The following SEMA6A variants were observed in gnomAD, a reference collection of about 807,000 sequenced individuals.
SEMA6A encodes semaphorin 6A.
In SEMA6A, 25 loss-of-function variants were observed where a neutral mutation model predicts 96.8. That is an observed-to-expected ratio of 0.26 (90% confidence interval 0.19 to 0.36). The LOEUF (loss-of-function observed/expected upper bound fraction) is 0.36. Among genes scored for constraint, SEMA6A ranks in the 10% least tolerant of loss-of-function variants. SEMA6A has a pLI of 1.00. For synonymous variants in SEMA6A, 612 were observed against 518.0 expected (o/e 1.18, Z -2.46); for missense variants, 1,363 against 1,323.1 (o/e 1.03, Z -0.47).
Position 116,549,436 on chromosome 5 carries a change from A to T in SEMA6A, c.-39+24749T>A, listed in dbSNP as rs554080608. Among the ~76,000 whole-genome samples, 393 of 152,298 alleles carry T rather than the reference A, an allele frequency of 2.6e-3. 1 individual carries two copies. The highest frequency in any genetic ancestry group is 8.2e-3 in the African/African-American group (342 of 41,568). ...CCCTCATGGATTTGGAAGGGGAAAC[A>T]AGAATGGGGAGCTGGTATGGAGGTA... is the stretch of plus-strand genomic sequence containing the variant. On this transcript the variant is annotated intron_variant, in intron 1 of 18. Coordinates refer to ENST00000343348, the MANE Select transcript of SEMA6A (RefSeq NM_020796.5).
At chr5:116,529,854 G>A (rs953834062) in intron 1 of SEMA6A, among the ~76,000 whole-genome samples, 2 of 152,028 alleles carry the variant, frequency 1.3e-5, no homozygotes, top group African/African-American at 4.8e-5. Flanking sequence ...GCGGGTTGGG[G>A]GAAGGAGCAT....
chr5:116,524,229 C>T (rs1759101883), intron 1 of SEMA6A, among the ~76,000 whole-genome samples: 1 of 152,152 alleles, frequency 6.6e-6, no homozygotes, highest in Non-Finnish European at 1.5e-5. Flanking sequence ...CATGTGAATA[C>T]TGCACGAGGA....
chr5:116,572,253 G>A (rs1761247841), intron 1 of SEMA6A, among the ~76,000 whole-genome samples: 1 of 152,218 alleles, frequency 6.6e-6, no homozygotes, highest in African/African-American at 2.4e-5. Context: ...ATGCACGCCT[G>A]TGTTTTAAAC....
At chr5:116,460,333 C>T (rs1215919546) in intron 18 of SEMA6A, among the ~76,000 whole-genome samples, 1 of 152,098 alleles carries the variant, frequency 6.6e-6, no homozygotes, top group Non-Finnish European at 1.5e-5. Flanking sequence ...ATTCTCTGAA[C>T]TCAAGTATGC....
rs780481682 is a variant in SEMA6A, at chr5:116,482,440, A to G, written c.1094+4T>C. On this transcript the variant is annotated splice_donor_region_variant and intron_variant, in intron 11 of 18. Coordinates refer to ENST00000343348, the MANE Select transcript of SEMA6A (RefSeq NM_020796.5). Reference sequence around the variant, plus strand: ...AAAATAGCCATATGAATATTTGCACATACCTGGGCTTAGGAACTCGTTCAT... The same window carrying G: ...AAAATAGCCATATGAATATTTGCACGTACCTGGGCTTAGGAACTCGTTCAT... 2.5e-6 allele frequency: 4 copies of G among 1,612,208 alleles called. No individual in the cohort carries two copies. In the East Asian group the frequency reaches 8.9e-5, roughly 36 times the overall value.
chr5:116,522,291 ACT>A (rs757092886), intron 1 of SEMA6A, among the ~76,000 whole-genome samples: 1 of 152,068 alleles, frequency 6.6e-6, no homozygotes, highest in Non-Finnish European at 1.5e-5. Flanking sequence ...TATTTTTTAA[ACT>A]CTTTGTCTCT....
chr5:116,566,629 T>C (rs1450865319), intron 1 of SEMA6A, among the ~76,000 whole-genome samples: 1 of 152,244 alleles, frequency 6.6e-6, no homozygotes, highest in African/African-American at 2.4e-5. Flanking sequence ...CAGGGAATTG[T>C]GGTGATAACA....
rs558632023 is a variant in SEMA6A at position 116,465,551 on chromosome 5, G to A, written c.1894+2032C>T. Among the ~76,000 whole-genome samples, 5 of 152,284 alleles carry A rather than the reference G, an allele frequency of 3.3e-5. 1 individual carries two copies. Among genetic ancestry groups the A allele is most frequent in the African/African-American group, 1.2e-4 (5 of 41,564 alleles). On this transcript the variant is annotated intron_variant, in intron 18 of 18. Coordinates refer to ENST00000343348, the MANE Select transcript of SEMA6A (RefSeq NM_020796.5). ...AACAGTGATCATGTTAAACACCCATGCAGTCACCTCTGCCACCATTGTTTG... is the reference window on the plus strand; with the variant it reads ...AACAGTGATCATGTTAAACACCCATACAGTCACCTCTGCCACCATTGTTTG...
intron 1 of SEMA6A, among the ~76,000 whole-genome samples, chr5:116,525,559 T>A (rs1490543898): frequency 6.6e-6 from 1 of 152,002 alleles, no homozygotes; most frequent in African/African-American, 2.4e-5. Flanking sequence ...AGTTCCAATT[T>A]CCCCCTGTCC....
chr5:116,539,245 A>C (rs763995670), intron 1 of SEMA6A, among the ~76,000 whole-genome samples: 6 of 152,018 alleles, frequency 3.9e-5, no homozygotes, highest in Non-Finnish European at 8.8e-5. Flanking sequence ...CTGCTTCCTA[A>C]AGTTGGAGGC....
chr5:116,498,138 G>A (rs367584332), intron 3 of SEMA6A, among the ~76,000 whole-genome samples: 1 of 152,078 alleles, frequency 6.6e-6, no homozygotes, highest in African/African-American at 2.4e-5. Context: ...TGAGTACAAG[G>A]GCGTTTTTGT....
At position 116,470,110 on chromosome 5, in the gene SEMA6A, T is replaced by C. The variant is rs142022079; in HGVS notation, c.1730-2363A>G. Among the ~76,000 whole-genome samples, 1,061 of 152,280 alleles carry C rather than the reference T, an allele frequency of 7.0e-3. 12 individuals carry two copies. The highest frequency in any genetic ancestry group is 0.011 in the Non-Finnish European group (750 of 68,008). ...AGTCAGAGAAAGCAATACCTGACTC[T>C]CAAAAATTTTAGAACCACCCTGTAA... is the stretch of plus-strand genomic sequence containing the variant. On this transcript the variant is annotated intron_variant, in intron 17 of 18. Coordinates refer to ENST00000343348, the MANE Select transcript of SEMA6A (RefSeq NM_020796.5).
chr5:116,485,105 T>G (rs1414330281), intron 10 of SEMA6A, among the ~76,000 whole-genome samples: 2 of 152,162 alleles, frequency 1.3e-5, no homozygotes, highest in Non-Finnish European at 2.9e-5. Context: ...GTATGTATAT[T>G]TTTAGGTGGG....
chr5:116,534,474 A>G (rs1759625658), intron 1 of SEMA6A, among the ~76,000 whole-genome samples: 1 of 151,576 alleles, frequency 6.6e-6, no homozygotes, highest in Admixed American at 6.6e-5. Flanking sequence ...CCTGGAGCAC[A>G]CTCCGCTCCC....
intron 1 of SEMA6A, among the ~76,000 whole-genome samples, chr5:116,567,533 C>T (rs1761065639): frequency 6.6e-6 from 1 of 152,176 alleles, no homozygotes; most frequent in African/African-American, 2.4e-5. Context: ...ATGCATTTTA[C>T]AGATGTTAGC....
At position 116,568,525 on chromosome 5, in the gene SEMA6A, G is replaced by A. The variant is rs1446689109; in HGVS notation, c.-39+5660C>T. Among the ~76,000 whole-genome samples the A allele has an allele frequency of 6.6e-5, 10 of 152,158 alleles. No homozygotes were observed. In the East Asian group the frequency reaches 9.6e-4, roughly 15 times the overall value. On this transcript the variant is annotated intron_variant, in intron 1 of 18. Coordinates refer to ENST00000343348, the MANE Select transcript of SEMA6A (RefSeq NM_020796.5). ...TAGCAAACTCCAAAAAAACATGAAC[G>A]TTCTATGGCCAGTGGTTAGAATGCA...
At chr5:116,494,009 A>G (rs1757457936) in intron 6 of SEMA6A, among the ~76,000 whole-genome samples, 1 of 152,112 alleles carries the variant, frequency 6.6e-6, no homozygotes, top group Non-Finnish European at 1.5e-5. Flanking sequence ...AATTGGTGGC[A>G]GCCCCATCCA....
chr5:116,572,834 G>T (rs1443403094), intron 1 of SEMA6A, among the ~76,000 whole-genome samples: 2 of 152,210 alleles, frequency 1.3e-5, no homozygotes, highest in South Asian at 4.1e-4. Flanking sequence ...CACATGCTGA[G>T]CCCCAGTCCG....
chr5:116,504,095 C>G (rs1758027648), intron 2 of SEMA6A, among the ~76,000 whole-genome samples: 1 of 152,028 alleles, frequency 6.6e-6, no homozygotes, highest in African/African-American at 2.4e-5. Context: ...TGTTAGACAC[C>G]TTTGTATGGC....
Sources: gnomAD v4.1 joint callset for allele counts (sites outside exome capture counted in the v4.1 genomes callset) on GRCh38, gnomAD v4.1.1 for gene constraint, MANE v1.5 for transcripts, NCBI Gene and HGNC (gene_info 2026-07-23, HGNC 2026-07-21) for gene names.